PLEKHH2: variants seen among roughly 807,000 people sequenced by gnomAD.
PLEKHH2 encodes the protein pleckstrin homology, MyTH4 and FERM domain containing H2.
In PLEKHH2, 129 loss-of-function variants were observed where a neutral mutation model predicts 187.9. That is an observed-to-expected ratio of 0.69 (90% CI 0.59 to 0.79). The LOEUF (loss-of-function observed/expected upper bound fraction) is 0.79, where lower values mean the gene tolerates loss of function less well. Ranked by LOEUF, PLEKHH2 falls within the 30% of genes least tolerant of loss-of-function variation. PLEKHH2 has a pLI of 0.00. For synonymous variants in PLEKHH2, 686 were observed against 605.6 expected, an observed-to-expected ratio of 1.13 and a Z score of -1.95; for missense variants, 2,076 against 1,751.2, an observed-to-expected ratio of 1.19 and a Z score of -3.31.
At chr2:43,722,622 C>T (rs919691) in intron 16 of PLEKHH2, among the ~76,000 whole-genome samples, 2,717 of 152,244 alleles carry the variant, frequency 0.018, 43 homozygotes, top group Non-Finnish European at 0.029. Flanking sequence ...TTCCCAATTT[C>T]TCTGTAATTA....
chr2:43,702,988 C>G (rs1010666447), intron 8 of PLEKHH2, among the ~76,000 whole-genome samples: 2 of 152,194 alleles, frequency 1.3e-5, no homozygotes, highest in South Asian at 4.1e-4. Context: ...CTCCTGCTTA[C>G]TGCCCTTATT....
chr2:43,704,662 T>TAAAAAAAAAAAAAAAA (rs70965318), intron 9 of PLEKHH2, among the ~76,000 whole-genome samples: 63 of 84,258 alleles, frequency 7.5e-4, no homozygotes, highest in East Asian at 1.7e-3. Context: ...GATTCTGTCT[T>TAAAAAAAAAAAAAAAA]AAAAAAAAAA....
At chr2:43,763,176 A>T (rs1291091482) in intron 28 of PLEKHH2, among the ~76,000 whole-genome samples, 2 of 152,172 alleles carry the variant, frequency 1.3e-5, no homozygotes, top group Non-Finnish European at 2.9e-5. Context: ...ATATTATAAA[A>T]TCAGTGACTT....
chr2:43,752,046 T>C (rs1382865595), intron 24 of PLEKHH2, among the ~76,000 whole-genome samples: 2 of 152,156 alleles, frequency 1.3e-5, no homozygotes, highest in Non-Finnish European at 2.9e-5. Context: ...TTGGTTCTTT[T>C]TCTCCCCTTA....
chr2:43,669,753 C>G (rs140178908), intron 2 of PLEKHH2, among the ~76,000 whole-genome samples: 214 of 151,986 alleles, frequency 1.4e-3, no homozygotes, highest in African/African-American at 4.9e-3. Flanking sequence ...TTGGCCCAGG[C>G]TAGAGTGCGG....
intron 16 of PLEKHH2, among the ~76,000 whole-genome samples, chr2:43,724,295 G>T (rs1670631665): frequency 6.6e-6 from 1 of 152,190 alleles, no homozygotes; most frequent in African/African-American, 2.4e-5. Context: ...GATGGAAGAA[G>T]GGCTCCAGCA....
intron 2 of PLEKHH2, among the ~76,000 whole-genome samples, chr2:43,666,897 TTTC>T (rs1194738622): frequency 2.6e-5 from 4 of 152,222 alleles, no homozygotes; most frequent in Non-Finnish European, 5.9e-5. Context: ...GTATCTCATT[TTTC>T]TTAATAGTAA....
Position 43,729,655 on chromosome 2 carries a change from C to G in PLEKHH2, c.2740C>G (p.Leu914Val). 2 of 1,600,786 alleles carry G rather than the reference C, an allele frequency of 1.2e-6. No homozygotes were observed. Among genetic ancestry groups the G allele is most frequent in the Non-Finnish European group, 1.7e-6 (2 of 1,175,110 alleles). Residue 914 changes from leucine to valine, a missense_variant, in exon 18 of 30, where the codon CTG (leucine) becomes GTG (valine). Coordinates refer to ENST00000282406, the MANE Select transcript of PLEKHH2 (RefSeq NM_172069.4). ...KHEKDTWLYH[L>V]TVAAGSNNVN... The stretch of plus-strand genomic sequence containing the variant: ...TTTTAAGGACACTTGGCTTTATCAT[C>G]TGACTGTTGCAGCTGGAAGCAACAA...
chr2:43,708,721 G>A (rs1340527821), intron 11 of PLEKHH2, among the ~76,000 whole-genome samples: 2 of 152,184 alleles, frequency 1.3e-5, no homozygotes, highest in Non-Finnish European at 1.5e-5. Context: ...CACTGGCCCT[G>A]GTCCTGGGAG....
chr2:43,653,530 T>A (rs1390838947), intron 2 of PLEKHH2, among the ~76,000 whole-genome samples: 4 of 152,026 alleles, frequency 2.6e-5, no homozygotes, highest in African/African-American at 9.7e-5. Flanking sequence ...CCAGAAGGAG[T>A]GCTTTATTAA....
At chr2:43,726,773 T>G (rs1390886953) in intron 17 of PLEKHH2, among the ~76,000 whole-genome samples, 1 of 152,220 alleles carries the variant, frequency 6.6e-6, no homozygotes, top group Admixed American at 6.5e-5. Flanking sequence ...TATTTTTGAC[T>G]AATTTTTAAT....
At chr2:43,714,181 G>A (rs560683746) in intron 15 of PLEKHH2, among the ~76,000 whole-genome samples, 1 of 152,264 alleles carries the variant, frequency 6.6e-6, no homozygotes, top group African/African-American at 2.4e-5. Context: ...CCATGGCTAA[G>A]GGTTTATTAC....
intron 3 of PLEKHH2, among the ~76,000 whole-genome samples, chr2:43,687,236 G>C (rs35602715): frequency 0.16 from 24,964 of 152,122 alleles, 3,174 homozygotes; most frequent in African/African-American, 0.36. Flanking sequence ...ATAAGTGAGA[G>C]CATGTGGTAT....
chr2:43,760,350 C>T (rs1035311485), intron 27 of PLEKHH2, among the ~76,000 whole-genome samples: 2 of 148,938 alleles, frequency 1.3e-5, no homozygotes, highest in African/African-American at 5.0e-5. Flanking sequence ...ATGAAATTTA[C>T]CCTTTAACCT....
chr2:43,722,793 A>G (rs1572620349), intron 16 of PLEKHH2, among the ~76,000 whole-genome samples: 1 of 152,318 alleles, frequency 6.6e-6, no homozygotes, highest in East Asian at 1.9e-4. Context: ...ATGTGTTTTT[A>G]TAAATAGAAA....
intron 2 of PLEKHH2, chr2:43,675,624 A>T: frequency 6.2e-7 from 1 of 1,613,728 alleles, no homozygotes; most frequent in South Asian, 1.1e-5. Flanking sequence ...AATCCTCTGC[A>T]TTTTCTGCAT....
At chr2:43,718,151 A>C (rs1172180621) in intron 15 of PLEKHH2, among the ~76,000 whole-genome samples, 1 of 152,234 alleles carries the variant, frequency 6.6e-6, no homozygotes, top group Admixed American at 6.5e-5. Context: ...TCTTTTAATT[A>C]GATCACCTTG....
rs1273166977 is a variant in PLEKHH2, at chr2:43,665,829, G to A, written c.124-13034G>A. Among the ~76,000 whole-genome samples, 41 of 134,106 alleles carry A rather than the reference G, an allele frequency of 3.1e-4. No individual in the cohort carries two copies. In the Middle Eastern group the frequency reaches 0.014, roughly 47 times the overall value. 88.0% of individuals were successfully genotyped at this position (134,106 alleles called of 152,430 possible). On this transcript the variant is annotated intron_variant, in intron 2 of 29. Transcript: ENST00000282406. Reference sequence around the variant, plus strand: ...ACCCACTTGAGGAGGCAGTCTGCCCGTTCTCAGATCTCCAGCTGCGTGCTG... The same window carrying A: ...ACCCACTTGAGGAGGCAGTCTGCCCATTCTCAGATCTCCAGCTGCGTGCTG...
chr2:43,676,232 T>C, intron 2 of PLEKHH2: 1 of 1,613,970 alleles, frequency 6.2e-7, no homozygotes, highest in South Asian at 1.1e-5. Context: ...CTGTGTCGAA[T>C]GTGAATTTGG....
Sources: gnomAD v4.1 joint callset for allele counts (sites outside exome capture counted in the v4.1 genomes callset) on GRCh38, gnomAD v4.1.1 for gene constraint, MANE v1.5 for transcripts, NCBI Gene and HGNC (gene_info 2026-07-23, HGNC 2026-07-21) for gene names.